LRP12: variants seen among roughly 807,000 people sequenced by gnomAD.
The protein encoded by LRP12 is low-density lipoprotein receptor-related protein 12.
In LRP12, 14 loss-of-function variants were observed where a neutral mutation model predicts 66.0. That is an observed-to-expected ratio of 0.21 (90% CI 0.14 to 0.33). The LOEUF is 0.33. Ranked by LOEUF, LRP12 falls within the 10% of genes least tolerant of loss-of-function variation. LRP12 has a pLI of 1.00. For missense variants in LRP12, 889 were observed against 1,053.4 expected, an observed-to-expected ratio of 0.84 and a Z score of 2.16; for synonymous variants, 357 against 359.1, an observed-to-expected ratio of 0.99 and a Z score of 0.07.
chr8:104,490,595 T>C lies in LRP12; in HGVS notation c.*78A>G. ...GCATTTTTTCTTTTTAAACTAAAAC[T>C]AGTTTAACTGTAAAGTTACAAAATA... On this transcript the variant is annotated 3_prime_UTR_variant, in exon 7 of 7. Transcript: ENST00000276654. The C allele has an allele frequency of 6.8e-7, 1 of 1,476,080 alleles. No individual in the cohort carries two copies. Among genetic ancestry groups the C allele is most frequent in the Non-Finnish European group, 9.1e-7 (1 of 1,101,530 alleles). The allele number at this position is 1,476,080 out of a possible 1,614,324, so 91.4% of individuals were successfully genotyped here. A position where few individuals can be genotyped will look rare whatever the true frequency, so the allele number is the denominator to read the frequency against.
intron 1 of LRP12, among the ~76,000 whole-genome samples, chr8:104,548,174 A>AT (rs1221257607): frequency 1.0e-5 from 1 of 99,120 alleles, no homozygotes; most frequent in African/African-American, 4.7e-5. Flanking sequence ...TATATATAAT[A>AT]TAATATATAA....
At chr8:104,564,490 G>C (rs1297858289) in intron 1 of LRP12, among the ~76,000 whole-genome samples, 1 of 152,118 alleles carries the variant, frequency 6.6e-6, no homozygotes. Context: ...ATTACTTTCT[G>C]AGGAAAGGAC....
chr8:104,559,886 G>A (rs927730727), intron 1 of LRP12, among the ~76,000 whole-genome samples: 4 of 152,062 alleles, frequency 2.6e-5, no homozygotes, highest in Non-Finnish European at 5.9e-5. Flanking sequence ...TAATTAGCAT[G>A]TATCTGTTGC....
intron 1 of LRP12, among the ~76,000 whole-genome samples, chr8:104,567,932 A>G (rs1812030102): frequency 6.6e-6 from 1 of 152,198 alleles, no homozygotes; most frequent in Non-Finnish European, 1.5e-5. Flanking sequence ...CTAATCCTAA[A>G]ATTCATATGA....
chr8:104,516,799 T>C (rs1370262634), intron 2 of LRP12, among the ~76,000 whole-genome samples: 4 of 152,014 alleles, frequency 2.6e-5, no homozygotes, highest in East Asian at 3.9e-4. Flanking sequence ...GTCTTACAAT[T>C]TGAGATTTCA....
chr8:104,570,325 T>G (rs1354102672), intron 1 of LRP12, among the ~76,000 whole-genome samples: 1 of 152,158 alleles, frequency 6.6e-6, no homozygotes, highest in Non-Finnish European at 1.5e-5. Flanking sequence ...GAATAGTTAA[T>G]TTTTACAAAG....
At chr8:104,586,068 CT>C (rs1351798056) in intron 1 of LRP12, among the ~76,000 whole-genome samples, 1 of 152,212 alleles carries the variant, frequency 6.6e-6, no homozygotes, top group Non-Finnish European at 1.5e-5. Context: ...AGAGGTCAAC[CT>C]TTACTCTCTC....
chr8:104,573,311 C>T (rs974900208), intron 1 of LRP12, among the ~76,000 whole-genome samples: 10 of 152,216 alleles, frequency 6.6e-5, no homozygotes, highest in Admixed American at 5.2e-4. Flanking sequence ...CCACACAAAC[C>T]GGATGTACCC....
At chr8:104,550,891 C>T (rs1811715484) in intron 1 of LRP12, among the ~76,000 whole-genome samples, 1 of 152,086 alleles carries the variant, frequency 6.6e-6, no homozygotes, top group Admixed American at 6.5e-5. Flanking sequence ...TTGCACTATT[C>T]TCTCATGAAT....
intron 2 of LRP12, among the ~76,000 whole-genome samples, chr8:104,520,380 G>GA (rs1375501711): frequency 6.6e-6 from 1 of 151,958 alleles, no homozygotes; most frequent in Non-Finnish European, 1.5e-5. Context: ...TCCCAAATGG[G>GA]AAAAATTACT....
Position 104,491,221 on chromosome 8 carries a change from TTTGAGGCAAAGGAGC to T in LRP12, c.2017_2031del (p.Ala673_Gln677del), listed in dbSNP as rs1810623104. 11 of 1,613,954 alleles carry T rather than the reference TTTGAGGCAAAGGAGC, an allele frequency of 6.8e-6. No homozygotes were observed. Among genetic ancestry groups the T allele is most frequent in the Non-Finnish European group, 9.3e-6 (11 of 1,180,010 alleles). ...TCTACTGCCGTTGTGGGAGGGACTT[TTTGAGGCAAAGGAGC>T]TGCAACCCCACCAGATGCTCCTGCC... On this transcript the variant is annotated inframe_deletion, in exon 7 of 7. Coordinates refer to ENST00000276654, the MANE Select transcript of LRP12 (RefSeq NM_013437.5).
intron 1 of LRP12, among the ~76,000 whole-genome samples, chr8:104,564,119 G>C (rs186336643): frequency 2.7e-5 from 4 of 145,780 alleles, no homozygotes; most frequent in Admixed American, 2.7e-4. Flanking sequence ...CAATTTTGGT[G>C]ATCAAGTCAT....
chr8:104,565,748 C>T (rs941395820), intron 1 of LRP12, among the ~76,000 whole-genome samples: 1 of 151,422 alleles, frequency 6.6e-6, no homozygotes, highest in African/African-American at 2.4e-5. Context: ...GTAGTCCCAG[C>T]TACTCGGGAG....
At position 104,498,129 on chromosome 8, in the gene LRP12, C is replaced by T; in HGVS notation, c.476-53G>A. On this transcript the variant is annotated intron_variant, in intron 4 of 6. Coordinates refer to ENST00000276654, the MANE Select transcript of LRP12 (RefSeq NM_013437.5). ...GAAAGAGAAGGAGAAAAATTATAAT[C>T]TTTAAAAGACATAAAACAGCAAGTG... 1.4e-5 allele frequency: 21 copies of T among 1,451,498 alleles called. No homozygotes were observed. In the South Asian group the frequency reaches 3.0e-4, roughly 21 times the overall value. The allele number at this position is 1,451,498 out of a possible 1,614,324, so 89.9% of individuals were successfully genotyped here. A position where few individuals can be genotyped will look rare whatever the true frequency, so the allele number is the denominator to read the frequency against.
At chr8:104,516,227 T>C (rs1161594387) in intron 2 of LRP12, among the ~76,000 whole-genome samples, 1 of 152,208 alleles carries the variant, frequency 6.6e-6, no homozygotes, top group Non-Finnish European at 1.5e-5. Context: ...AAAATGTTTA[T>C]TCAAAAGATA....
chr8:104,526,366 A>G (rs2140858018), intron 2 of LRP12, among the ~76,000 whole-genome samples: 1 of 151,952 alleles, frequency 6.6e-6, no homozygotes, highest in South Asian at 2.1e-4. Context: ...AAGAGCCCGC[A>G]TCGCCAAGTC....
chr8:104,561,542 T>C (rs539554720), intron 1 of LRP12, among the ~76,000 whole-genome samples: 1 of 152,336 alleles, frequency 6.6e-6, no homozygotes, highest in South Asian at 2.1e-4. Context: ...GCAAAGAAGT[T>C]TCCCTCTTTC....
At chr8:104,582,018 G>A (rs1812257230) in intron 1 of LRP12, among the ~76,000 whole-genome samples, 1 of 152,100 alleles carries the variant, frequency 6.6e-6, no homozygotes, top group African/African-American at 2.4e-5. Context: ...GTAAAAAGAT[G>A]CCTTAACTAT....
chr8:104,510,622 T>C (rs1299855299), intron 2 of LRP12, among the ~76,000 whole-genome samples: 2 of 152,220 alleles, frequency 1.3e-5, no homozygotes, highest in Admixed American at 1.3e-4. Context: ...TCTTATTTAA[T>C]ACAATTTCAA....
Sources: allele counts gnomAD v4.1 joint callset (sites outside exome capture counted in the v4.1 genomes callset), GRCh38; gene constraint gnomAD v4.1.1; transcripts MANE v1.5; gene names NCBI Gene and HGNC (gene_info 2026-07-23, HGNC 2026-07-21).